SYNE1: variants seen among roughly 807,000 people sequenced by gnomAD.
SYNE1 encodes the protein nesprin-1.
SYNE1 carries 616 observed loss-of-function variants against 1,111.0 expected under a neutral mutation model. That is an observed-to-expected ratio of 0.55 (90% CI 0.52 to 0.59). The LOEUF is 0.59. Among genes scored for constraint, SYNE1 ranks in the 20% least tolerant of loss-of-function variants. The pLI is 0.00. For missense variants in SYNE1, 10,006 were observed against 10,417.0 expected (o/e 0.96, Z 1.72); for synonymous variants, 3,855 against 3,825.8 (o/e 1.01, Z -0.28).
At chr6:152,170,844 A>T (rs1312065394) in intron 130 of SYNE1, among the ~76,000 whole-genome samples, 1 of 152,184 alleles carries the variant, frequency 6.6e-6, no homozygotes, top group Admixed American at 6.5e-5. Context: ...CTTGACTTGT[A>T]GCTCCCACAA....
intron 3 of SYNE1, among the ~76,000 whole-genome samples, chr6:152,609,127 G>T (rs970793889): frequency 6.6e-6 from 1 of 151,972 alleles, no homozygotes; most frequent in Non-Finnish European, 1.5e-5. Flanking sequence ...TGGACAGCAG[G>T]TGCAGCCCAC....
At chr6:152,557,729 G>A (rs1261477781) in intron 3 of SYNE1, among the ~76,000 whole-genome samples, 2 of 152,070 alleles carry the variant, frequency 1.3e-5, no homozygotes, top group African/African-American at 4.8e-5. Context: ...CTGTCTTTAA[G>A]AAATGAAGGA....
intron 123 of SYNE1, among the ~76,000 whole-genome samples, chr6:152,213,380 C>G (rs1213980340): frequency 6.6e-6 from 1 of 152,162 alleles, no homozygotes; most frequent in East Asian, 1.9e-4. Context: ...TTATACTTTA[C>G]AAGGAACTGA....
At chr6:152,189,167 A>G (rs1056960525) in intron 128 of SYNE1, 85 bp downstream of exon 128, 5 of 1,444,024 alleles carry the variant, frequency 3.5e-6, no homozygotes, top group Non-Finnish European at 4.8e-6. Context: ...GGCCGGGTCC[A>G]CATGTGGGTT....
intron 64 of SYNE1, among the ~76,000 whole-genome samples, chr6:152,360,952 A>G (rs927263170): frequency 6.6e-6 from 1 of 152,178 alleles, no homozygotes; most frequent in Admixed American, 6.5e-5. Context: ...CTATTCACTG[A>G]AGGAGAGGGA....
At chr6:152,575,940 C>A (rs1369179050) in intron 3 of SYNE1, among the ~76,000 whole-genome samples, 3 of 152,206 alleles carry the variant, frequency 2.0e-5, no homozygotes, top group African/African-American at 7.2e-5. Context: ...TCTTATAATT[C>A]TTGCAGCATT....
chr6:152,187,338 C>A (rs2635434), intron 128 of SYNE1, among the ~76,000 whole-genome samples: 9,538 of 152,178 alleles, frequency 0.063, 470 homozygotes, highest in African/African-American at 0.14. Context: ...GATATCACAT[C>A]AATCAAGAGG....
chr6:152,255,147 C>A, intron 103 of SYNE1, 58 bp from the exon 104 acceptor site: 1 of 1,415,768 alleles, frequency 7.1e-7, no homozygotes, highest in South Asian at 1.2e-5. Flanking sequence ...ATATGCAAAT[C>A]ATGTTATTTT....
At chr6:152,531,770 C>G (rs1370952145) in intron 4 of SYNE1, among the ~76,000 whole-genome samples, 1 of 152,174 alleles carries the variant, frequency 6.6e-6, no homozygotes, top group Non-Finnish European at 1.5e-5. Context: ...TTGTGACTGG[C>G]TTATTTCACT....
chr6:152,542,690 A>G (rs142746006), intron 3 of SYNE1, among the ~76,000 whole-genome samples: 22 of 152,294 alleles, frequency 1.4e-4, no homozygotes, highest in South Asian at 4.1e-4. Context: ...ACTCAAGGGT[A>G]GCATAAAAAT....
intron 104 of SYNE1, among the ~76,000 whole-genome samples, chr6:152,250,414 A>G (rs1421920811): frequency 6.6e-6 from 1 of 152,234 alleles, no homozygotes; most frequent in Non-Finnish European, 1.5e-5. Flanking sequence ...ACATGCAAAC[A>G]TTCTGACTGT....
At position 152,259,313 on chromosome 6, in the gene SYNE1, G is replaced by A. The variant is rs550493236; in HGVS notation, c.18973-2548C>T. Among the ~76,000 whole-genome samples, 10 of 151,724 alleles carry A rather than the reference G, an allele frequency of 6.6e-5. No homozygotes were observed. The East Asian group carries it at 1.4e-3, about 21-fold the overall frequency. On this transcript the variant is annotated intron_variant, in intron 101 of 145. Coordinates refer to ENST00000367255, the MANE Select transcript of SYNE1 (RefSeq NM_182961.4). ...AAATGTATGCACTATTTCCTTATTC[G>A]GGTTATAGGTTCTCAGAAGCAGGAG...
intron 28 of SYNE1, 92 bp from the exon 29 acceptor site, chr6:152,447,714 G>T: frequency 6.7e-7 from 1 of 1,496,118 alleles, no homozygotes; most frequent in Non-Finnish European, 9.3e-7. Context: ...AGGTTTGCAG[G>T]TGGAGCAGAA....
chr6:152,171,502 T>C (rs1208086999), intron 130 of SYNE1, among the ~76,000 whole-genome samples: 1 of 152,174 alleles, frequency 6.6e-6, no homozygotes, highest in Non-Finnish European at 1.5e-5. Flanking sequence ...CACACAAGAT[T>C]TCACATAGTT....
At chr6:152,222,076 A>G (rs559227978) in intron 117 of SYNE1, among the ~76,000 whole-genome samples, 1 of 152,280 alleles carries the variant, frequency 6.6e-6, no homozygotes, top group South Asian at 2.1e-4. Context: ...TATTTACCCT[A>G]ATTGGAAAAG....
chr6:152,431,486 A>C (rs1477220551), intron 34 of SYNE1, among the ~76,000 whole-genome samples: 1 of 152,218 alleles, frequency 6.6e-6, no homozygotes, highest in Non-Finnish European at 1.5e-5. Flanking sequence ...ACTGATAACT[A>C]TTAAGGAAGT....
intron 6 of SYNE1, among the ~76,000 whole-genome samples, chr6:152,515,549 C>T (rs2099107308): frequency 6.6e-6 from 1 of 152,354 alleles, no homozygotes; most frequent in South Asian, 2.1e-4. Context: ...ACAGTTCTTG[C>T]AGTTCACTGA....
Position 152,350,535 on chromosome 6 carries a change from A to T in SYNE1, c.11733+83T>A, listed in dbSNP as rs952970458. Reference sequence around the variant, plus strand: ...AAAATACTAACCCGTACCAGGCCTTAAAATTACATGACAGAGAGAAAGGAG... The same window carrying T: ...AAAATACTAACCCGTACCAGGCCTTTAAATTACATGACAGAGAGAAAGGAG... On this transcript the variant is annotated intron_variant, in intron 71 of 145. Transcript: ENST00000367255. 1.9e-6 allele frequency: 3 copies of T among 1,589,446 alleles called. No homozygotes were observed. The African/African-American group carries it at 4.0e-5, about 21-fold the overall frequency.
chr6:152,260,442 C>T (rs985126461), intron 101 of SYNE1, among the ~76,000 whole-genome samples: 2 of 152,268 alleles, frequency 1.3e-5, no homozygotes, highest in Non-Finnish European at 2.9e-5. Flanking sequence ...GATTCTGGGA[C>T]ACCTGCTTCC....
Sources: allele counts gnomAD v4.1 joint callset (sites outside exome capture counted in the v4.1 genomes callset), GRCh38; gene constraint gnomAD v4.1.1; transcripts MANE v1.5; gene names NCBI Gene and HGNC (gene_info 2026-07-23, HGNC 2026-07-21).